The following UBE3D variants were observed in gnomAD, a reference collection of about 807,000 sequenced individuals.
The protein encoded by UBE3D is E3 ubiquitin-protein ligase E3D.
Under a neutral mutation model 49.6 loss-of-function variants are expected in UBE3D, and 48 were observed. The ratio of observed to expected loss-of-function variants is 0.97; its 90% confidence interval spans 0.77 to 1.23. UBE3D has a LOEUF of 1.23. Ranked by LOEUF, UBE3D falls within the 50% of genes most tolerant of loss-of-function variation. The pLI, the probability that UBE3D is intolerant of heterozygous loss-of-function variation, is 0.00. For missense variants in UBE3D, 452 were observed against 468.4 expected (o/e 0.96, Z 0.32); for synonymous variants, 189 against 174.2 (o/e 1.08, Z -0.67).
intron 3 of UBE3D, among the ~76,000 whole-genome samples, chr6:83,051,831 T>G (rs1417526164): frequency 6.6e-6 from 1 of 152,212 alleles, no homozygotes; most frequent in Non-Finnish European, 1.5e-5. Context: ...ATCCTCCATT[T>G]GTAACCTCTC....
intron 9 of UBE3D, among the ~76,000 whole-genome samples, chr6:82,902,812 A>G (rs1355805641): frequency 6.6e-6 from 1 of 152,194 alleles, no homozygotes; most frequent in Non-Finnish European, 1.5e-5. Flanking sequence ...GTAAATGTTA[A>G]TATGTTTTTG....
At chr6:82,906,634 C>T (rs1005221235) in intron 9 of UBE3D, among the ~76,000 whole-genome samples, 1 of 152,176 alleles carries the variant, frequency 6.6e-6, no homozygotes, top group Non-Finnish European at 1.5e-5. Flanking sequence ...TACTTAGCCA[C>T]CACATCTGGA....
Position 82,927,234 on chromosome 6 carries a change from C to T in UBE3D, c.1149+30078G>A, listed in dbSNP as rs1218316581. Among the ~76,000 whole-genome samples, 3 of 150,682 alleles carry T rather than the reference C, an allele frequency of 2.0e-5. 1 individual carries two copies. Among genetic ancestry groups the T allele is most frequent in the Non-Finnish European group, 4.4e-5 (3 of 67,666 alleles). ...TTGTCTTTTTTTTTTTTTCCCCCAC[C>T]AATACCACACTGGTGGTGATTACTG... On this transcript the variant is annotated intron_variant, in intron 9 of 9. Transcript: ENST00000369747.
chr6:83,053,048 A>G (rs1178451266), intron 3 of UBE3D, among the ~76,000 whole-genome samples: 2 of 152,276 alleles, frequency 1.3e-5, no homozygotes, highest in African/African-American at 2.4e-5. Context: ...AAGCTGACCC[A>G]CGTTAGAGCA....
intron 8 of UBE3D, among the ~76,000 whole-genome samples, chr6:82,964,862 AAT>A (rs753189279): frequency 2.9e-4 from 44 of 152,342 alleles, no homozygotes; most frequent in Non-Finnish European, 5.4e-4. Context: ...ATTAAATAAA[AAT>A]AGACCCTGAA....
chr6:82,994,237 C>G (rs2127736347), intron 8 of UBE3D, among the ~76,000 whole-genome samples: 1 of 152,092 alleles, frequency 6.6e-6, no homozygotes, highest in East Asian at 1.9e-4. Context: ...CTAAAAACAC[C>G]AATTTATATA....
chr6:82,908,209 A>G lies in UBE3D; in HGVS notation c.1150-15167T>C, dbSNP rs138984178. Among the ~76,000 whole-genome samples, 247 of 152,298 alleles carry G rather than the reference A, an allele frequency of 1.6e-3. 2 individuals carry two copies. Among genetic ancestry groups the G allele is most frequent in the African/African-American group, 5.6e-3 (232 of 41,568 alleles). On this transcript the variant is annotated intron_variant, in intron 9 of 9. Coordinates refer to ENST00000369747, the MANE Select transcript of UBE3D (RefSeq NM_198920.3). Reference sequence around the variant, plus strand: ...GAACGATTAACTGCAAGACACCTGAAGGGAACTTTATGGGAAATGGATATG... The same window carrying G: ...GAACGATTAACTGCAAGACACCTGAGGGGAACTTTATGGGAAATGGATATG...
At chr6:82,981,525 C>T (rs1778120475) in intron 8 of UBE3D, among the ~76,000 whole-genome samples, 1 of 151,688 alleles carries the variant, frequency 6.6e-6, no homozygotes, top group Admixed American at 6.6e-5. Flanking sequence ...AGTCACTCAT[C>T]TTTTGGAGTC....
chr6:83,044,895 G>A (rs1782924913), intron 3 of UBE3D, among the ~76,000 whole-genome samples: 2 of 151,928 alleles, frequency 1.3e-5, no homozygotes, highest in Admixed American at 6.5e-5. Context: ...AACTAAACAT[G>A]ACAGTGTATT....
intron 9 of UBE3D, among the ~76,000 whole-genome samples, chr6:82,900,985 C>A (rs538002381): frequency 6.6e-6 from 1 of 152,032 alleles, no homozygotes; most frequent in Non-Finnish European, 1.5e-5. Flanking sequence ...TGTTTAAATA[C>A]GTGATTTATG....
intron 8 of UBE3D, among the ~76,000 whole-genome samples, chr6:82,960,943 T>A (rs1217511415): frequency 6.6e-6 from 1 of 152,148 alleles, no homozygotes; most frequent in Admixed American, 6.5e-5. Flanking sequence ...TCATTCTGAA[T>A]TTTTTTAAAA....
intron 8 of UBE3D, among the ~76,000 whole-genome samples, chr6:82,993,275 T>C (rs764027237): frequency 1.3e-5 from 2 of 152,186 alleles, no homozygotes; most frequent in African/African-American, 4.8e-5. Flanking sequence ...AACGTATGAC[T>C]GTCCTCTTCC....
At chr6:82,994,003 A>T (rs992627424) in intron 8 of UBE3D, among the ~76,000 whole-genome samples, 1 of 152,226 alleles carries the variant, frequency 6.6e-6, no homozygotes, top group African/African-American at 2.4e-5. Flanking sequence ...CAGTAAAGGT[A>T]CTATTTGAAA....
intron 9 of UBE3D, among the ~76,000 whole-genome samples, chr6:82,903,780 A>G (rs528106607): frequency 6.6e-6 from 1 of 152,326 alleles, no homozygotes; most frequent in East Asian, 1.9e-4. Flanking sequence ...GCAAAACAGT[A>G]ATTAGCCTGT....
intron 6 of UBE3D, among the ~76,000 whole-genome samples, chr6:83,022,773 T>C (rs1781197107): frequency 6.6e-6 from 1 of 152,220 alleles, no homozygotes; most frequent in African/African-American, 2.4e-5. Context: ...TTAAAACCTA[T>C]TCTCCAATCC....
chr6:83,046,678 G>T (rs113167776), intron 3 of UBE3D, among the ~76,000 whole-genome samples: 4 of 132,796 alleles, frequency 3.0e-5, no homozygotes, highest in Non-Finnish European at 6.3e-5. Context: ...TTGGCGGGGG[G>T]GGTGGGCGGT....
chr6:83,014,136 T>C lies in UBE3D; in HGVS notation c.1010+4837A>G, dbSNP rs575296317. 6.0e-4 allele frequency among the ~76,000 whole-genome samples: 91 copies of C among 152,340 alleles called. No individual in the cohort carries two copies. The Middle Eastern group carries it at 0.024, about 40-fold the overall frequency. On this transcript the variant is annotated intron_variant, in intron 8 of 9. Transcript: ENST00000369747. ...ACCACATCTGGTACTGCAGTTGCAA[T>C]TGGAGTCACCACTTTGTTAAACTTA... is the stretch of plus-strand genomic sequence containing the variant.
chr6:82,954,895 G>A (rs1188131018), intron 9 of UBE3D, among the ~76,000 whole-genome samples: 4 of 152,178 alleles, frequency 2.6e-5, no homozygotes, highest in African/African-American at 9.7e-5. Flanking sequence ...CATCTTTCCA[G>A]GGGTGACAGC....
chr6:83,039,539 A>T (rs913474244), intron 4 of UBE3D, among the ~76,000 whole-genome samples: 1 of 152,186 alleles, frequency 6.6e-6, no homozygotes, highest in African/African-American at 2.4e-5. Context: ...GCTTCTGAAC[A>T]CTATGCTAAG....
Sources: allele counts gnomAD v4.1 joint callset (sites outside exome capture counted in the v4.1 genomes callset), GRCh38; gene constraint gnomAD v4.1.1; transcripts MANE v1.5; gene names NCBI Gene and HGNC (gene_info 2026-07-23, HGNC 2026-07-21).